The following MZT2A variants were observed in gnomAD, a reference collection of about 807,000 sequenced individuals.
MZT2A encodes mitotic spindle organizing protein 2A, also known as mitotic-spindle organizing protein 2A.
Under a neutral mutation model 12.4 loss-of-function variants are expected in MZT2A, and 8 were observed. The ratio of observed to expected loss-of-function variants is 0.64; its 90% CI spans 0.38 to 1.16. The LOEUF (loss-of-function observed/expected upper bound fraction) is 1.16. Ranked by LOEUF, MZT2A falls within the 50% of genes most tolerant of loss-of-function variation. The pLI, the probability that MZT2A is intolerant of heterozygous loss-of-function variation, is 0.01. For missense variants in MZT2A, 181 were observed against 223.6 expected, an observed-to-expected ratio of 0.81 and a Z score of 1.22; for synonymous variants, 88 against 107.5, an observed-to-expected ratio of 0.82 and a Z score of 1.12.
Position 131,485,753 on chromosome 2 carries a change from C to G in MZT2A, c.320-1535G>C, listed in dbSNP as rs1679027649. Among the ~76,000 whole-genome samples, 4 of 152,170 alleles carry G rather than the reference C, an allele frequency of 2.6e-5. No homozygotes were observed. In the South Asian group the frequency reaches 8.3e-4, roughly 32 times the overall value. On this transcript the variant is annotated intron_variant, in intron 2 of 2. Transcript: ENST00000309451. Reference sequence around the variant, plus strand: ...CCTCTTATCAAGTGTAGTCAAATACCCTGCAAAGGGAAACTGGATTCCTGG... The same window carrying G: ...CCTCTTATCAAGTGTAGTCAAATACGCTGCAAAGGGAAACTGGATTCCTGG...
At chr2:131,485,161 G>T (rs1679005541) in intron 2 of MZT2A, among the ~76,000 whole-genome samples, 1 of 152,148 alleles carries the variant, frequency 6.6e-6, no homozygotes, top group African/African-American at 2.4e-5. Context: ...CTGACCCGTG[G>T]GCTCTAAACA....
At position 131,484,158 on chromosome 2, in the gene MZT2A, T is replaced by C. The variant is rs75021268; in HGVS notation, c.380A>G (p.His127Arg). 0.1 allele frequency: 162,192 copies of C among 1,613,936 alleles called. 12,874 individuals carry two copies. Among genetic ancestry groups the C allele is most frequent in the African/African-American group, 0.43 (31,870 of 74,950 alleles). ...TGGCATCCTCTGGCTGGATCCCTCG[T>C]GGTTGCTGCGTTCCGCCAGGGCCAA... Reference protein sequence around the residue: ...GVLALAERSNHEGSSQRMPRQ... With the variant: ...GVLALAERSNREGSSQRMPRQ... The change falls in exon 3 of 3, where the codon CAC (histidine) becomes CGC (arginine). Residue 127 changes from histidine to arginine, a missense_variant. His to Arg is a conservative substitution (Grantham distance 29). Coordinates refer to ENST00000309451, the MANE Select transcript of MZT2A (RefSeq NM_001085365.2).
rs1679261850 is a variant in MZT2A, at chr2:131,490,767, G to C, written c.319+1109C>G. ...AGGCGGAGGGAACCCGGGGGGCCTG[G>C]AGAGAGAGGTGAGTGTGTGGCAGCT... On this transcript the variant is annotated intron_variant, in intron 2 of 2. Coordinates refer to ENST00000309451, the MANE Select transcript of MZT2A (RefSeq NM_001085365.2). The C allele has an allele frequency of 2.6e-6, 4 of 1,549,306 alleles. No homozygotes were observed. In the Admixed American group the frequency reaches 5.9e-5, roughly 23 times the overall value.
intron 2 of MZT2A, among the ~76,000 whole-genome samples, chr2:131,474,607 A>C (rs1299976746): frequency 2.0e-5 from 3 of 150,208 alleles, no homozygotes; most frequent in Non-Finnish European, 3.0e-5. Context: ...GAAGGGTTTC[A>C]TCATGTTGGC....
chr2:131,479,951 T>A, downstream of MZT2A: 1 of 1,386,878 alleles, frequency 7.2e-7, no homozygotes, highest in Non-Finnish European at 9.7e-7. Flanking sequence ...GCATGTTTAT[T>A]ATGGATGATT....
intron 2 of MZT2A, among the ~76,000 whole-genome samples, chr2:131,472,782 C>T (rs1482587676): frequency 2.0e-5 from 3 of 152,106 alleles, no homozygotes; most frequent in Non-Finnish European, 4.4e-5. Flanking sequence ...GATGCATTGT[C>T]GAGAACGTAT....
Position 131,492,258 on chromosome 2 carries a change from A to T in MZT2A, c.119T>A (p.Leu40Gln). The change falls in exon 1 of 3, where the codon CTG (leucine) becomes CAG (glutamine). Residue 40 changes from leucine (L) to glutamine (Q), a missense_variant. Leu to Gln is a moderately radical substitution (Grantham distance 113). This residue lies in a region of MZT2A where 106 missense variants were observed against 127.2 expected (regional missense o/e 0.83). Transcript: ENST00000309451. ...GCCCGCCGCCTGAGCCAGCTCGTAC[A>T]GCTCCATCTCCTCGGTGCTCAGCAC... is the stretch of plus-strand genomic sequence containing the variant. Reference protein sequence around the residue: ...KKVLSTEEMELYELAQAAGGG... With the variant: ...KKVLSTEEMEQYELAQAAGGG... 6.3e-7 allele frequency: 1 copy of T among 1,585,076 alleles called. No individual in the cohort carries two copies. Among genetic ancestry groups the T allele is most frequent in the South Asian group, 1.1e-5 (1 of 88,172 alleles).
chr2:131,490,666 A>T (rs1238414491), intron 2 of MZT2A: 9 of 1,549,170 alleles, frequency 5.8e-6, no homozygotes, highest in Admixed American at 2.0e-5. Flanking sequence ...GTTTCCATGA[A>T]AACAAGGAAG....
chr2:131,483,902 A>G, downstream of MZT2A: 1 of 1,396,306 alleles, frequency 7.2e-7, no homozygotes, highest in Non-Finnish European at 9.3e-7. Context: ...ACCGGCACAG[A>G]AACTTCATTC....
chr2:131,482,973 A>C (rs1480715556), downstream of MZT2A: 19 of 1,478,158 alleles, frequency 1.3e-5, no homozygotes, highest in East Asian at 4.3e-4. Context: ...TGCCTACAGG[A>C]GCCGGTGGGA....
upstream of MZT2A, chr2:131,492,517 T>G (rs999879546): frequency 1.8e-6 from 2 of 1,121,546 alleles, no homozygotes; most frequent in South Asian, 4.2e-5. Flanking sequence ...CGGGGCCGCC[T>G]CCTCGGCGTC....
chr2:131,476,487 G>A (rs1678672321), intron 2 of MZT2A, among the ~76,000 whole-genome samples: 1 of 152,214 alleles, frequency 6.6e-6, no homozygotes, highest in Non-Finnish European at 1.5e-5. Flanking sequence ...CCTGAAGACG[G>A]GAGGGCGCTG....
chr2:131,474,312 T>C (rs1678577088), intron 2 of MZT2A, among the ~76,000 whole-genome samples: 1 of 151,934 alleles, frequency 6.6e-6, no homozygotes, highest in African/African-American at 2.4e-5. Flanking sequence ...TTAGCCAGGA[T>C]GGTCTCGATC....
Position 131,483,987 on chromosome 2 carries a change from G to T in MZT2A, c.*74C>A. 1 of 1,524,304 alleles carries T rather than the reference G, an allele frequency of 6.6e-7. No individual in the cohort carries two copies. Among genetic ancestry groups the T allele is most frequent in the Admixed American group, 2.1e-5 (1 of 47,458 alleles). 94.4% of individuals were successfully genotyped at this position (1,524,304 alleles called of 1,614,324 possible). On this transcript the variant is annotated 3_prime_UTR_variant, in exon 3 of 3. Transcript: ENST00000309451. Reference sequence around the variant, plus strand: ...ACCTGGACCCTCTGCATCTCAGAAAGGTTTATTATCAACTGAAGGAGGTAA... The same window carrying T: ...ACCTGGACCCTCTGCATCTCAGAAATGTTTATTATCAACTGAAGGAGGTAA...
upstream of MZT2A, chr2:131,492,864 C>G: frequency 1.3e-6 from 2 of 1,495,524 alleles, no homozygotes; most frequent in East Asian, 2.8e-5. Context: ...TGAGCCCTAC[C>G]TTGGGGCGCC....
At chr2:131,478,105 C>A (rs1449869638) in intron 2 of MZT2A, 18 of 1,577,126 alleles carry the variant, frequency 1.1e-5, no homozygotes, top group Non-Finnish European at 1.6e-5. Context: ...ATTTTGCATG[C>A]CATATAGTTT....
rs551443616 is a variant in MZT2A at position 131,475,319 on chromosome 2, C to CTTTTT, written c.279-3142_279-3138dup. On this transcript the variant is annotated intron_variant and NMD_transcript_variant, in intron 2 of 4. Coordinates refer to the MZT2A transcript ENST00000427024. The stretch of plus-strand genomic sequence containing the variant: ...TACGTTAATTTTGCCTCCTTTCTTC[C>CTTTTT]TTTTTTTTTTTTTTTTTTTTTTTTT... 2.8e-4 allele frequency among the ~76,000 whole-genome samples: 26 copies of CTTTTT among 94,532 alleles called. 2 individuals are homozygous for CTTTTT. Among genetic ancestry groups the CTTTTT allele is most frequent in the East Asian group, 1.4e-3 (3 of 2,102 alleles). 62.0% of individuals were successfully genotyped at this position (94,532 alleles called of 152,430 possible).
At chr2:131,477,037 C>CTTTTTTTTTT (rs1229461335) in intron 2 of MZT2A, among the ~76,000 whole-genome samples, 36 of 108,684 alleles carry the variant, frequency 3.3e-4, no homozygotes, top group African/African-American at 2.4e-3. Flanking sequence ...CTTTTTCTTT[C>CTTTTTTTTTT]TTTTTTTTTT....
At chr2:131,492,088 C>A in intron 1 of MZT2A, 64 bp from the exon 2 acceptor site, 1 of 1,571,868 alleles carries the variant, frequency 6.4e-7, no homozygotes, top group South Asian at 1.2e-5. Flanking sequence ...TCCCTGAAGA[C>A]CGGACAAGGA....
Sources: gnomAD v4.1 joint callset for allele counts (sites outside exome capture counted in the v4.1 genomes callset) on GRCh38, gnomAD v4.1.1 for gene constraint, gnomAD v4.1.1 regional missense constraint, MANE v1.5 for transcripts, NCBI Gene and HGNC (gene_info 2026-07-23, HGNC 2026-07-21) for gene names.